Variants in CNTNAP2 observed in about 807,000 individuals in gnomAD.
The protein encoded by CNTNAP2 is contactin-associated protein-like 2.
In CNTNAP2, 98 loss-of-function variants were observed where a neutral mutation model predicts 155.2. That is an observed-to-expected ratio of 0.63 (90% confidence interval 0.54 to 0.75). The LOEUF (loss-of-function observed/expected upper bound fraction) is 0.75, where lower values mean the gene tolerates loss of function less well. Among genes scored for constraint, CNTNAP2 ranks in the 30% least tolerant of loss-of-function variants. The pLI is 0.00. For missense variants in CNTNAP2, 1,727 were observed against 1,688.1 expected (o/e 1.02, Z -0.40); for synonymous variants, 651 against 631.2 (o/e 1.03, Z -0.47).
At chr7:146,860,646 T>A (rs992851351) in intron 3 of CNTNAP2, among the ~76,000 whole-genome samples, 7 of 152,180 alleles carry the variant, frequency 4.6e-5, no homozygotes, top group Non-Finnish European at 1.0e-4. Flanking sequence ...AAAATTATTT[T>A]AAAAATTAAT....
chr7:146,337,315 C>A (rs796233874), intron 1 of CNTNAP2, among the ~76,000 whole-genome samples: 376 of 141,322 alleles, frequency 2.7e-3, no homozygotes, highest in Middle Eastern at 0.011. Context: ...AAAAAAAAAA[C>A]AAACTACGTA....
intron 1 of CNTNAP2, among the ~76,000 whole-genome samples, chr7:146,142,770 T>C (rs931938635): frequency 1.3e-5 from 2 of 152,188 alleles, no homozygotes; most frequent in Admixed American, 1.3e-4. Context: ...CATCCTACTA[T>C]GACTGCCAAA....
rs149297520 is a variant in CNTNAP2, at chr7:146,809,040, A to C, written c.209-30671A>C. Among the ~76,000 whole-genome samples the C allele has an allele frequency of 8.4e-3, 1,277 of 152,330 alleles. 9 individuals are homozygous for C. Among genetic ancestry groups the C allele is most frequent in the Non-Finnish European group, 0.012 (844 of 68,028 alleles). On this transcript the variant is annotated intron_variant, in intron 2 of 23. Transcript: ENST00000361727. ...TTGCAAAAAGCATAAAAATGCAGAT[A>C]TCCCTTCAACATACTGATTTCAGTT...
At chr7:147,320,610 G>T (rs968704193) in intron 9 of CNTNAP2, among the ~76,000 whole-genome samples, 3 of 152,122 alleles carry the variant, frequency 2.0e-5, no homozygotes, top group African/African-American at 7.2e-5. Context: ...CATTTCTTGT[G>T]GTAGAGTAGT....
intron 10 of CNTNAP2, among the ~76,000 whole-genome samples, chr7:147,422,291 A>G (rs1275521901): frequency 6.6e-6 from 1 of 150,694 alleles, no homozygotes; most frequent in African/African-American, 2.4e-5. Flanking sequence ...CACACTGAGC[A>G]TATATTCATC....
At chr7:148,367,109 T>C (rs1563060739) in intron 21 of CNTNAP2, among the ~76,000 whole-genome samples, 4 of 151,978 alleles carry the variant, frequency 2.6e-5, no homozygotes, top group African/African-American at 9.7e-5. Context: ...TGCATGCCTG[T>C]AGTCCCAGCT....
chr7:146,767,086 G>C (rs1802208535), intron 1 of CNTNAP2, among the ~76,000 whole-genome samples: 3 of 152,082 alleles, frequency 2.0e-5, no homozygotes, highest in Non-Finnish European at 4.4e-5. Context: ...AGCAATTGAT[G>C]ACAAACTAAT....
At chr7:147,010,840 G>T (rs1608629) in intron 3 of CNTNAP2, among the ~76,000 whole-genome samples, 65,390 of 151,828 alleles carry the variant, frequency 0.43, 14,354 homozygotes, top group South Asian at 0.52. Flanking sequence ...AGGTTAAAAT[G>T]TGATAGGGAA....
intron 1 of CNTNAP2, among the ~76,000 whole-genome samples, chr7:146,760,738 AC>A (rs1802083359): frequency 6.6e-6 from 1 of 151,920 alleles, no homozygotes; most frequent in Non-Finnish European, 1.5e-5. Flanking sequence ...ACTAATTTAT[AC>A]TGGTGTATAA....
chr7:148,293,486 A>T lies in CNTNAP2; in HGVS notation c.3475+26360A>T, dbSNP rs547903801. Among the ~76,000 whole-genome samples, 7 of 152,348 alleles carry T rather than the reference A, an allele frequency of 4.6e-5. No homozygotes were observed. In the South Asian group the frequency reaches 1.5e-3, roughly 32 times the overall value. On this transcript the variant is annotated intron_variant, in intron 21 of 23. Transcript: ENST00000361727. ...GGACAAACAAGGAAATGGGTTAGGA[A>T]TTGGTCTGTAGCCAGTCTCAGAAAT... is the stretch of plus-strand genomic sequence containing the variant.
intron 8 of CNTNAP2, among the ~76,000 whole-genome samples, chr7:147,251,617 G>A (rs890688526): frequency 2.6e-5 from 4 of 152,106 alleles, no homozygotes; most frequent in African/African-American, 9.7e-5. Flanking sequence ...ATTGGTGAAA[G>A]TCTGACATTA....
At chr7:147,095,418 T>C (rs1475800075) in intron 4 of CNTNAP2, among the ~76,000 whole-genome samples, 4 of 151,866 alleles carry the variant, frequency 2.6e-5, no homozygotes, top group Non-Finnish European at 4.4e-5. Context: ...AGGCCCCAAC[T>C]CCTAACACTG....
At chr7:147,614,253 A>G (rs1204648498) in intron 12 of CNTNAP2, among the ~76,000 whole-genome samples, 4 of 152,094 alleles carry the variant, frequency 2.6e-5, no homozygotes, top group Non-Finnish European at 5.9e-5. Flanking sequence ...ATTTATATAC[A>G]CACACAAATT....
intron 21 of CNTNAP2, among the ~76,000 whole-genome samples, chr7:148,348,016 G>A (rs1035222260): frequency 1.3e-5 from 2 of 152,046 alleles, no homozygotes; most frequent in Admixed American, 6.6e-5. Context: ...TCTCTCTTAC[G>A]TTTTCTTGCA....
intron 8 of CNTNAP2, among the ~76,000 whole-genome samples, chr7:147,255,585 T>C (rs751156956): frequency 2.6e-5 from 4 of 152,132 alleles, no homozygotes; most frequent in Admixed American, 6.5e-5. Context: ...TTAACTTTGC[T>C]CTTATTCTAT....
intron 13 of CNTNAP2, among the ~76,000 whole-genome samples, chr7:147,835,171 G>A (rs1353295408): frequency 6.6e-6 from 1 of 152,086 alleles, no homozygotes; most frequent in Non-Finnish European, 1.5e-5. Context: ...CAGAGGTCAG[G>A]GAAGGCCCCA....
chr7:146,504,035 A>C (rs1797344885), intron 1 of CNTNAP2, among the ~76,000 whole-genome samples: 1 of 152,256 alleles, frequency 6.6e-6, no homozygotes, highest in Non-Finnish European at 1.5e-5. Flanking sequence ...AAATGGCTAC[A>C]AATGTGATTA....
intron 15 of CNTNAP2, among the ~76,000 whole-genome samples, chr7:147,991,965 A>C (rs754516217): frequency 1.1e-4 from 16 of 152,258 alleles, no homozygotes; most frequent in Middle Eastern, 3.4e-3. Flanking sequence ...TACTGAAGAA[A>C]ACTTTAAACA....
intron 3 of CNTNAP2, among the ~76,000 whole-genome samples, chr7:146,962,012 T>C (rs1240795410): frequency 1.3e-5 from 2 of 152,092 alleles, no homozygotes; most frequent in African/African-American, 4.8e-5. Context: ...AAAATGATAC[T>C]CCAGTTACGC....
Sources: allele counts gnomAD v4.1 joint callset (sites outside exome capture counted in the v4.1 genomes callset), GRCh38; gene constraint gnomAD v4.1.1; transcripts MANE v1.5; gene names NCBI Gene and HGNC (gene_info 2026-07-23, HGNC 2026-07-21).